TVP23C: variants seen among roughly 807,000 people sequenced by gnomAD.
The protein encoded by TVP23C is Golgi apparatus membrane protein TVP23 homolog C.
In TVP23C, 19 loss-of-function variants were observed where a neutral mutation model predicts 28.7. The ratio of observed to expected loss-of-function variants is 0.66; its 90% confidence interval spans 0.46 to 0.97. TVP23C has a LOEUF of 0.97. Among genes scored for constraint, TVP23C ranks in the 50% least tolerant of loss-of-function variants. TVP23C has a pLI of 0.00. For missense variants in TVP23C, 186 were observed against 241.3 expected (o/e 0.77, Z 1.52); for synonymous variants, 68 against 81.7 (o/e 0.83, Z 0.90).
intron 2 of TVP23C, 135 bp from the exon 3 acceptor site, chr17:15,553,964 G>A (rs140911225): frequency 4.7e-6 from 7 of 1,496,724 alleles, no homozygotes; most frequent in Non-Finnish European, 6.4e-6. Flanking sequence ...TTTAGTAGGA[G>A]GAAGCAAACC....
At chr17:15,527,523 T>C (rs915174509) in intron 5 of TVP23C, among the ~76,000 whole-genome samples, 3 of 152,164 alleles carry the variant, frequency 2.0e-5, no homozygotes, top group African/African-American at 7.2e-5. Flanking sequence ...CGGTTTTCCA[T>C]CTGAGCAAGT....
rs112818475 is a variant in TVP23C, at chr17:15,551,786, C to T, written c.240+1899G>A. ...CAGGGAAACCAAAAGATTGGACACC[C>T]AGGGGTTTAGATGAAGATTGATTTT... On this transcript the variant is annotated intron_variant, in intron 3 of 5. Coordinates refer to ENST00000518321, the MANE Select transcript of TVP23C (RefSeq NM_001135036.2). Among the ~76,000 whole-genome samples, 1,083 of 152,118 alleles carry T rather than the reference C, an allele frequency of 7.1e-3. 8 individuals are homozygous for T. The highest frequency in any genetic ancestry group is 0.031 in the Middle Eastern group (9 of 294).
rs539127569 is a variant in TVP23C at position 15,553,913 on chromosome 17, C to T, written c.96-84G>A. On this transcript the variant is annotated intron_variant, in intron 2 of 5. Coordinates refer to ENST00000518321, the MANE Select transcript of TVP23C (RefSeq NM_001135036.2). ...ATGTAGAGAAAAATGTTTTAGCCATCGTGTAACTGTGAAGAGTTTTGTCAA... is the reference window on the plus strand; with the variant it reads ...ATGTAGAGAAAAATGTTTTAGCCATTGTGTAACTGTGAAGAGTTTTGTCAA... 6 of 1,588,840 alleles carry T rather than the reference C, an allele frequency of 3.8e-6. No individual in the cohort carries two copies. In the African/African-American group the frequency reaches 8.1e-5, roughly 22 times the overall value.
Position 15,555,362 on chromosome 17 carries a change from A to C in TVP23C, c.15T>G (p.Asp5Glu). ...AAACATCTTCAGTGTCATCATTACT[A>C]TCCTGGTTGGAAAAATAAATGGTCA... Reference protein sequence around the residue: MLQQDSNDDTEDVSL... With the variant: MLQQESNDDTEDVSL... The change falls in exon 2 of 6, where the codon GAT becomes GAG. Residue 5 changes from aspartate (D) to glutamate (E), a missense_variant and splice_region_variant. This residue lies in a region of TVP23C where 92 missense variants were observed against 94.3 expected (regional missense o/e 0.98). Coordinates refer to ENST00000518321, the MANE Select transcript of TVP23C (RefSeq NM_001135036.2). 1.2e-6 allele frequency: 2 copies of C among 1,613,956 alleles called. No homozygotes were observed. The highest frequency in any genetic ancestry group is 1.7e-6 in the Non-Finnish European group (2 of 1,179,862).
intron 5 of TVP23C, among the ~76,000 whole-genome samples, chr17:15,504,472 A>G (rs1261768935): frequency 3.9e-5 from 6 of 152,178 alleles, no homozygotes; most frequent in Admixed American, 3.9e-4. Flanking sequence ...TGCGCTTTGG[A>G]TGGGTTTATT....
At chr17:15,505,595 G>A (rs957706747) in intron 5 of TVP23C, among the ~76,000 whole-genome samples, 17 of 152,296 alleles carry the variant, frequency 1.1e-4, no homozygotes, top group Admixed American at 2.0e-4. Context: ...CCACTTTGGC[G>A]GCACTTGAGG....
At chr17:15,515,202 T>C in intron 5 of TVP23C, among the ~76,000 whole-genome samples, 1 of 151,934 alleles carries the variant, frequency 6.6e-6, no homozygotes. Context: ...CGTGCAAAGG[T>C]ATAACGTACA....
chr17:15,536,546 G>A (rs368663618), downstream of TVP23C, among the ~76,000 whole-genome samples: 9 of 152,118 alleles, frequency 5.9e-5, no homozygotes, highest in African/African-American at 2.2e-4. Flanking sequence ...CGAATATTAG[G>A]GAATACAGGG....
downstream of TVP23C, among the ~76,000 whole-genome samples, chr17:15,536,451 C>A (rs1983161134): frequency 6.6e-6 from 1 of 152,084 alleles, no homozygotes; most frequent in African/African-American, 2.4e-5. Context: ...CAAGATACAG[C>A]AATAAAATCT....
At chr17:15,561,360 AGGCCGAGGCGGG>A (rs1984377383) in intron 1 of TVP23C, among the ~76,000 whole-genome samples, 1 of 152,204 alleles carries the variant, frequency 6.6e-6, no homozygotes, top group South Asian at 2.1e-4. Flanking sequence ...GCACTTTGGA[AGGCCGAGGCGGG>A]TGGATAACCT....
chr17:15,518,651 T>C (rs1019595067), intron 5 of TVP23C, among the ~76,000 whole-genome samples: 3 of 152,170 alleles, frequency 2.0e-5, no homozygotes, highest in African/African-American at 7.2e-5. Context: ...TTGTCTAGAA[T>C]CTGTGTTTTC....
exon 6 of TVP23C, chr17:15,503,077 C>T (rs1264421490): frequency 3.1e-6 from 5 of 1,614,070 alleles, no homozygotes; most frequent in South Asian, 2.2e-5. Flanking sequence ...CCGTGATCCT[C>T]GTGAAAGAAT....
downstream of TVP23C, among the ~76,000 whole-genome samples, chr17:15,533,886 G>C (rs529739937): frequency 6.6e-6 from 1 of 152,308 alleles, no homozygotes; most frequent in East Asian, 1.9e-4. Context: ...ATGGGTAATG[G>C]AGCAAATATC....
At chr17:15,547,468 T>C (rs1213367873) in intron 3 of TVP23C, among the ~76,000 whole-genome samples, 1 of 152,182 alleles carries the variant, frequency 6.6e-6, no homozygotes, top group Non-Finnish European at 1.5e-5. Flanking sequence ...TTGGTTACTG[T>C]GACCTACTTT....
intron 1 of TVP23C, chr17:15,563,226 G>A (rs1984483289): frequency 2.3e-6 from 2 of 853,082 alleles, no homozygotes; most frequent in Non-Finnish European, 3.4e-6. Context: ...AGAAGTACTT[G>A]CTCTGCGCCG....
At chr17:15,553,576 G>T in intron 3 of TVP23C, 109 bp downstream of exon 3, 1 of 1,335,958 alleles carries the variant, frequency 7.5e-7, no homozygotes. Context: ...CTTCAACACA[G>T]ATGAGGTTTG....
intron 5 of TVP23C, among the ~76,000 whole-genome samples, chr17:15,518,167 CAAAAAAA>C (rs895582466): frequency 7.4e-5 from 4 of 54,290 alleles, no homozygotes; most frequent in South Asian, 7.0e-4. Flanking sequence ...GACTCCATCT[CAAAAAAA>C]AAAAAAAAAA....
chr17:15,552,576 C>T (rs1009557430), intron 3 of TVP23C, among the ~76,000 whole-genome samples: 4 of 151,376 alleles, frequency 2.6e-5, no homozygotes, highest in South Asian at 2.1e-4. Context: ...CCCAGCTACT[C>T]GGGAGTCTGA....
intron 5 of TVP23C, chr17:15,507,371 ATCT>A (rs1981802334): frequency 4.3e-6 from 3 of 689,856 alleles, no homozygotes; most frequent in Non-Finnish European, 8.0e-6. Context: ...CTTACGCTTT[ATCT>A]TAACCACTGG....
Sources: allele counts gnomAD v4.1 joint callset (sites outside exome capture counted in the v4.1 genomes callset), GRCh38; gene constraint gnomAD v4.1.1; regional missense constraint gnomAD v4.1.1; transcripts MANE v1.5; gene names NCBI Gene and HGNC (gene_info 2026-07-23, HGNC 2026-07-21).